Variants in KIF27 observed in about 807,000 individuals in gnomAD.
KIF27 encodes the protein kinesin family member 27, also known as kinesin-like protein KIF27.
Under a neutral mutation model 141.8 loss-of-function variants are expected in KIF27, and 84 were observed. That is an observed-to-expected ratio of 0.59 (90% confidence interval 0.50 to 0.71). The LOEUF (loss-of-function observed/expected upper bound fraction) is 0.71, where lower values mean the gene tolerates loss of function less well. Ranked by LOEUF, KIF27 falls within the 30% of genes least tolerant of loss-of-function variation. The pLI is 0.00. For synonymous variants in KIF27, 471 were observed against 569.5 expected, an observed-to-expected ratio of 0.83 and a Z score of 2.46; for missense variants, 1,306 against 1,628.4, an observed-to-expected ratio of 0.80 and a Z score of 3.41.
chr9:83,885,547 A>G (rs1042682098), intron 9 of KIF27, among the ~76,000 whole-genome samples: 4 of 152,208 alleles, frequency 2.6e-5, no homozygotes, highest in African/African-American at 9.7e-5. Flanking sequence ...ACTATATTTT[A>G]ACAAATCATT....
intron 6 of KIF27, among the ~76,000 whole-genome samples, chr9:83,890,660 C>T: frequency 6.6e-6 from 1 of 152,212 alleles, no homozygotes; most frequent in Non-Finnish European, 1.5e-5. Flanking sequence ...ATCCCTCTGA[C>T]TGTAACAACC....
rs769116359 is a variant in KIF27 at position 83,837,233 on chromosome 9, G to A, written c.3974C>T (p.Thr1325Ile). The change falls in exon 18 of 18, where the codon ACA (threonine) becomes ATA (isoleucine). Residue 1325 changes from threonine to isoleucine, a missense_variant. This residue lies in a region of KIF27 where 148 missense variants were observed against 250.9 expected (regional missense o/e 0.59). Coordinates refer to ENST00000297814, the MANE Select transcript of KIF27 (RefSeq NM_017576.4). The stretch of plus-strand genomic sequence containing the variant: ...AGATTTTGTAAACTGATTATCATCT[G>A]TTTCTGTTTTATTCTCATTACCTAA... The part of the protein sequence containing the change: ...HMLGNENKTE[T>I]DDNQFTKSHS... 1.2e-6 allele frequency: 2 copies of A among 1,613,990 alleles called. No individual in the cohort carries two copies. Among genetic ancestry groups the A allele is most frequent in the Admixed American group, 1.7e-5 (1 of 60,004 alleles).
chr9:83,837,164 C>T lies in KIF27; in HGVS notation c.4043G>A (p.Gly1348Glu), dbSNP rs1393862735. ...TACAGGTGTGACACCATGAAGTCGT[C>T]CCACATTTCCCACAACCTGAATTTG... ...SSQIQVVGNV[G>E]RLHGVTPVKL... Residue 1348 changes from glycine to glutamate, a missense_variant, in exon 18 of 18, where the codon GGA becomes GAA. By Grantham distance (98) the Gly-to-Glu change is moderately conservative. This residue lies in a region of KIF27 where 148 missense variants were observed against 250.9 expected (regional missense o/e 0.59). Coordinates refer to ENST00000297814, the MANE Select transcript of KIF27 (RefSeq NM_017576.4). 3.7e-6 allele frequency: 6 copies of T among 1,614,104 alleles called. No homozygotes were observed. Among genetic ancestry groups the T allele is most frequent in the South Asian group, 3.3e-5 (3 of 91,072 alleles).
chr9:83,865,902 GT>G (rs1950317019), intron 13 of KIF27, among the ~76,000 whole-genome samples: 1 of 152,128 alleles, frequency 6.6e-6, no homozygotes, highest in South Asian at 2.1e-4. Context: ...AAATTTAAGA[GT>G]TTTCATATCT....
Position 83,837,339 on chromosome 9 carries a change from G to C in KIF27, c.3868C>G (p.Pro1290Ala). 1.2e-6 allele frequency: 2 copies of C among 1,608,050 alleles called. No individual in the cohort carries two copies. Among genetic ancestry groups the C allele is most frequent in the Non-Finnish European group, 1.7e-6 (2 of 1,174,816 alleles). Reference sequence around the variant, plus strand: ...TCTTCCCAGAGCTTTTGAGGATTTGGCTGTGTTCTTAAGCTGCTTGCTGAA... The same window carrying C: ...TCTTCCCAGAGCTTTTGAGGATTTGCCTGTGTTCTTAAGCTGCTTGCTGAA... Reference protein sequence around the residue: ...DSSASSLRTQPNPQKLWEDIP... With the variant: ...DSSASSLRTQANPQKLWEDIP... The change falls in exon 18 of 18, where the codon CCA (proline) becomes GCA (alanine). Residue 1290 changes from proline to alanine, a missense_variant. Around this residue, in one of 4 missense-constraint regions of KIF27, gnomAD observed 148 missense variants for 250.9 expected, o/e 0.59. Transcript: ENST00000297814.
At chr9:83,861,108 G>C (rs1468013647) in intron 13 of KIF27, among the ~76,000 whole-genome samples, 9 of 151,734 alleles carry the variant, frequency 5.9e-5, no homozygotes, top group Admixed American at 3.3e-4. Flanking sequence ...TTTTTCCTCA[G>C]TCAGTGTATC....
At chr9:83,918,093 A>T (rs1486673039) in intron 1 of KIF27, among the ~76,000 whole-genome samples, 3 of 152,118 alleles carry the variant, frequency 2.0e-5, no homozygotes, top group Non-Finnish European at 4.4e-5. Context: ...ATATAGTGAG[A>T]CGCCATGTCT....
intron 16 of KIF27, chr9:83,849,081 TG>T (rs1948222704): frequency 6.6e-6 from 1 of 152,210 alleles, no homozygotes; most frequent in Non-Finnish European, 1.5e-5. Flanking sequence ...CCCAAAGTGC[TG>T]GGATTACAGG....
chr9:83,893,191 C>A (rs1458646769), intron 5 of KIF27, among the ~76,000 whole-genome samples: 1 of 152,180 alleles, frequency 6.6e-6, no homozygotes, highest in Non-Finnish European at 1.5e-5. Flanking sequence ...GACTCATGAT[C>A]GTGCCACTGT....
chr9:83,852,109 G>C (rs2990915), intron 15 of KIF27, among the ~76,000 whole-genome samples: 23,006 of 150,562 alleles, frequency 0.15, 1,923 homozygotes, highest in African/African-American at 0.21. Flanking sequence ...CAGAGTGAGA[G>C]TCCATCTCAG....
At chr9:83,898,126 G>A (rs1422100236) in intron 5 of KIF27, among the ~76,000 whole-genome samples, 1 of 151,962 alleles carries the variant, frequency 6.6e-6, no homozygotes, top group South Asian at 2.1e-4. Context: ...CATGTGCACC[G>A]AGAGACACTG....
Position 83,902,909 on chromosome 9 carries a change from T to G in KIF27, c.1458+151A>C, listed in dbSNP as rs918013168. ...AAAAAACCTGAAATTCCAAAATCACTCTTAGAATTTACTTGCCCAAATAAA... is the reference window on the plus strand; with the variant it reads ...AAAAAACCTGAAATTCCAAAATCACGCTTAGAATTTACTTGCCCAAATAAA... On this transcript the variant is annotated intron_variant, in intron 4 of 17. Transcript: ENST00000297814. The G allele has an allele frequency of 7.7e-6, 4 of 516,754 alleles. No individual in the cohort carries two copies. The African/African-American group carries it at 7.8e-5, about 10-fold the overall frequency. 32.0% of individuals were successfully genotyped at this position (516,754 alleles called of 1,614,324 possible).
intron 6 of KIF27, among the ~76,000 whole-genome samples, chr9:83,890,603 T>C (rs576506722): frequency 6.6e-6 from 1 of 152,238 alleles, no homozygotes; most frequent in East Asian, 1.9e-4. Context: ...GGCTGCCTGA[T>C]GCAAAGTCCA....
At chr9:83,903,014 G>T in intron 4 of KIF27, 46 bp downstream of exon 4, 2 of 1,185,268 alleles carry the variant, frequency 1.7e-6, no homozygotes, top group Non-Finnish European at 2.4e-6. Context: ...CATCTATTAT[G>T]TATCAATAAA....
chr9:83,879,638 C>A (rs1951515488), intron 11 of KIF27, among the ~76,000 whole-genome samples: 1 of 151,654 alleles, frequency 6.6e-6, no homozygotes, highest in South Asian at 2.1e-4. Flanking sequence ...TCAAAAAAGC[C>A]CTGTGGGACA....
intron 16 of KIF27, among the ~76,000 whole-genome samples, chr9:83,848,070 G>GATATATCTATATATCATATATGAT (rs10622451): frequency 4.6e-5 from 2 of 43,240 alleles, no homozygotes; most frequent in African/African-American, 3.3e-4. Context: ...TCATATATAT[G>GATATATCTATATATCATATATGAT]ATATATGATA....
chr9:83,848,132 C>CATATATATGAT lies in KIF27; in HGVS notation c.3556+1966_3556+1967insATCATATATAT, dbSNP rs200035673. The stretch of plus-strand genomic sequence containing the variant: ...CTCATATCTGATATATCTGATATCT[C>CATATATATGAT]ATATATGATATATCTGATATATCAT... On this transcript the variant is annotated intron_variant, in intron 16 of 17. Transcript: ENST00000297814. 1.1e-4 allele frequency among the ~76,000 whole-genome samples: 4 copies of CATATATATGAT among 38,028 alleles called. 1 individual carries two copies. Among genetic ancestry groups the CATATATATGAT allele is most frequent in the Admixed American group, 2.2e-4 (1 of 4,594 alleles). The allele number at this position is 38,028 out of a possible 152,430, so 24.9% of individuals were successfully genotyped here. A position where few individuals can be genotyped will look rare whatever the true frequency, so the allele number is the denominator to read the frequency against.
chr9:83,897,321 A>G (rs1200337279), intron 5 of KIF27, among the ~76,000 whole-genome samples: 1 of 152,168 alleles, frequency 6.6e-6, no homozygotes, highest in East Asian at 1.9e-4. Context: ...TTCATGCACA[A>G]ATGGACCTTG....
chr9:83,886,624 C>T (rs955034537), intron 9 of KIF27, among the ~76,000 whole-genome samples: 3 of 152,072 alleles, frequency 2.0e-5, no homozygotes, highest in African/African-American at 7.2e-5. Context: ...GGCATGGTGG[C>T]ACACGCCTGT....
Sources: gnomAD v4.1 joint callset for allele counts (sites outside exome capture counted in the v4.1 genomes callset) on GRCh38, gnomAD v4.1.1 for gene constraint, gnomAD v4.1.1 regional missense constraint, MANE v1.5 for transcripts, NCBI Gene and HGNC (gene_info 2026-07-23, HGNC 2026-07-21) for gene names.